The following RTF1 variants were observed in gnomAD, a reference collection of about 807,000 sequenced individuals.
RTF1 encodes the protein RNA polymerase-associated protein RTF1 homolog.
In RTF1, 10 loss-of-function variants were observed where a neutral mutation model predicts 95.7. That is an observed-to-expected ratio of 0.10 (90% CI 0.06 to 0.18). The LOEUF (loss-of-function observed/expected upper bound fraction) is 0.18. RTF1 is among the 10% of genes least tolerant of loss of function. RTF1 has a pLI of 1.00. For missense variants in RTF1, 458 were observed against 875.6 expected (o/e 0.52, Z 6.02); for synonymous variants, 305 against 311.8 (o/e 0.98, Z 0.23).
intron 1 of RTF1, among the ~76,000 whole-genome samples, chr15:41,419,075 T>C (rs1483732820): frequency 6.6e-6 from 1 of 152,120 alleles, no homozygotes; most frequent in Non-Finnish European, 1.5e-5. Context: ...GAAACTTTGT[T>C]TTGGGGTAGG....
At chr15:41,459,235 T>C (rs1255495361) in intron 4 of RTF1, among the ~76,000 whole-genome samples, 1 of 152,084 alleles carries the variant, frequency 6.6e-6, no homozygotes, top group East Asian at 1.9e-4. Flanking sequence ...TAGTCAGGCA[T>C]GGTGGCCCAT....
At chr15:41,432,696 T>C (rs2050681423) in intron 1 of RTF1, among the ~76,000 whole-genome samples, 1 of 151,956 alleles carries the variant, frequency 6.6e-6, no homozygotes, top group Admixed American at 6.6e-5. Flanking sequence ...CCCAGCACTT[T>C]GGGAGGCCAA....
chr15:41,423,954 T>C (rs1378235201), intron 1 of RTF1, among the ~76,000 whole-genome samples: 2 of 152,154 alleles, frequency 1.3e-5, no homozygotes, highest in Non-Finnish European at 2.9e-5. Flanking sequence ...GGTTTCACCA[T>C]GTTGGCCAGG....
chr15:41,431,436 C>T (rs191303244), intron 1 of RTF1, among the ~76,000 whole-genome samples: 156 of 149,826 alleles, frequency 1.0e-3, no homozygotes, highest in African/African-American at 3.4e-3. Context: ...AGACTGGTCT[C>T]GAACTGCTGA....
At chr15:41,446,439 G>A (rs113797240) in intron 2 of RTF1, among the ~76,000 whole-genome samples, 33,463 of 151,862 alleles carry the variant, frequency 0.22, 4,004 homozygotes, top group Non-Finnish European at 0.26. Flanking sequence ...GGTGGCGCAC[G>A]CCTGTAGTCC....
intron 1 of RTF1, among the ~76,000 whole-genome samples, chr15:41,427,879 C>T (rs907357320): frequency 1.3e-5 from 2 of 151,450 alleles, no homozygotes; most frequent in Non-Finnish European, 2.9e-5. Context: ...CTCCGCCTCC[C>T]GGGTTCAAGT....
At chr15:41,472,106 C>T (rs1362522429) in intron 8 of RTF1, among the ~76,000 whole-genome samples, 3 of 151,796 alleles carry the variant, frequency 2.0e-5, no homozygotes, top group Non-Finnish European at 2.9e-5. Context: ...ACCATGTTGG[C>T]GAGGCTGGTC....
chr15:41,456,009 G>A (rs1282173195), intron 3 of RTF1, among the ~76,000 whole-genome samples: 1 of 151,910 alleles, frequency 6.6e-6, no homozygotes, highest in Non-Finnish European at 1.5e-5. Flanking sequence ...TCAGGAGTTC[G>A]AGACCAGCTG....
chr15:41,480,672 A>T lies in RTF1; in HGVS notation c.2118A>T (p.Arg706=). 1 of 1,613,586 alleles carries T rather than the reference A, an allele frequency of 6.2e-7. No individual in the cohort carries two copies. ...RSLNLEDYKK[R]RGLI ...TGAACTTGGAAGACTACAAAAAACG[A>T]CGAGGGCTTATTTGAGCACACCCAG... Residue 706 remains arginine, a synonymous_variant, in exon 18 of 18, where the codon CGA becomes CGT. Coordinates refer to ENST00000389629, the MANE Select transcript of RTF1 (RefSeq NM_015138.5).
At chr15:41,441,583 C>G (rs1292001693) in intron 2 of RTF1, among the ~76,000 whole-genome samples, 1 of 152,014 alleles carries the variant, frequency 6.6e-6, no homozygotes, top group Non-Finnish European at 1.5e-5. Flanking sequence ...AGAGGAGATC[C>G]ACATCCATAA....
chr15:41,431,372 G>A (rs1032132197), intron 1 of RTF1, among the ~76,000 whole-genome samples: 3 of 151,420 alleles, frequency 2.0e-5, no homozygotes, highest in African/African-American at 7.3e-5. Flanking sequence ...CTGCCACCAC[G>A]CCCAGCTACT....
chr15:41,463,303 T>A (rs1392980849), intron 4 of RTF1, among the ~76,000 whole-genome samples: 1 of 152,216 alleles, frequency 6.6e-6, no homozygotes, highest in Non-Finnish European at 1.5e-5. Context: ...ATACAACAAT[T>A]TGAGTACCTA....
At chr15:41,458,483 T>C (rs2140961178) in intron 4 of RTF1, among the ~76,000 whole-genome samples, 1 of 152,208 alleles carries the variant, frequency 6.6e-6, no homozygotes, top group East Asian at 1.9e-4. Context: ...CAGGCAGCAT[T>C]CTAAAGGGAA....
chr15:41,437,914 C>T (rs56352219), intron 1 of RTF1, among the ~76,000 whole-genome samples: 4,771 of 152,240 alleles, frequency 0.031, 105 homozygotes, highest in South Asian at 0.06. Context: ...TTATTCAAAA[C>T]TGCCCCACAA....
chr15:41,438,237 A>T (rs761942293), intron 1 of RTF1, 84 bp from the exon 2 acceptor site: 9 of 891,614 alleles, frequency 1.0e-5, no homozygotes, highest in Non-Finnish European at 1.4e-5. Flanking sequence ...TATAAAAAAG[A>T]TCTAGAGAGG....
chr15:41,475,673 A>G (rs1414108697), intron 10 of RTF1, 39 bp from the exon 11 acceptor site: 11 of 1,601,602 alleles, frequency 6.9e-6, no homozygotes, highest in Non-Finnish European at 9.4e-6. Context: ...TCTTTCCAAA[A>G]TCCCTTACTA....
At position 41,461,785 on chromosome 15, in the gene RTF1, G is replaced by A. The variant is rs116152306; in HGVS notation, c.663-2986G>A. On this transcript the variant is annotated intron_variant, in intron 4 of 17. Transcript: ENST00000389629. ...ATTACAGGTGTGAGCCACCGTGCCC[G>A]CCGGCCTGGCTAATTTTTCATATTG... Among the ~76,000 whole-genome samples the A allele has an allele frequency of 7.1e-3, 1,076 of 151,302 alleles. 10 individuals carry two copies. Among genetic ancestry groups the A allele is most frequent in the African/African-American group, 0.024 (992 of 41,238 alleles).
chr15:41,431,719 G>C (rs879630536), intron 1 of RTF1, among the ~76,000 whole-genome samples: 1 of 151,960 alleles, frequency 6.6e-6, no homozygotes, highest in Admixed American at 6.6e-5. Flanking sequence ...GACTGGTCTC[G>C]AATTCCTGGG....
intron 1 of RTF1, among the ~76,000 whole-genome samples, chr15:41,429,179 C>A (rs1472195239): frequency 6.6e-6 from 1 of 151,948 alleles, no homozygotes; most frequent in Non-Finnish European, 1.5e-5. Context: ...TGTAAGCCAC[C>A]TGTGAGCCAC....
Sources: allele counts gnomAD v4.1 joint callset (sites outside exome capture counted in the v4.1 genomes callset), GRCh38; gene constraint gnomAD v4.1.1; transcripts MANE v1.5; gene names NCBI Gene and HGNC (gene_info 2026-07-23, HGNC 2026-07-21).